The following ROR1 variants were observed in gnomAD, a reference collection of about 807,000 sequenced individuals.
The protein encoded by ROR1 is inactive tyrosine-protein kinase transmembrane receptor ROR1.
ROR1 carries 19 observed loss-of-function variants against 78.8 expected under a neutral mutation model. The ratio of observed to expected loss-of-function variants is 0.24; its 90% confidence interval spans 0.17 to 0.35. The LOEUF (loss-of-function observed/expected upper bound fraction) is 0.35. Among genes scored for constraint, ROR1 ranks in the 10% least tolerant of loss-of-function variants. The pLI is 1.00. For synonymous variants in ROR1, 386 were observed against 433.6 expected (o/e 0.89, Z 1.36); for missense variants, 917 against 1,177.8 (o/e 0.78, Z 3.24).
intron 1 of ROR1, among the ~76,000 whole-genome samples, chr1:63,926,171 C>T (rs941558460): frequency 6.6e-6 from 1 of 150,606 alleles, no homozygotes; most frequent in African/African-American, 2.4e-5. Flanking sequence ...GTCTTTAATC[C>T]ATCTTGAATT....
At chr1:64,036,328 T>A (rs1482221263) in intron 2 of ROR1, among the ~76,000 whole-genome samples, 1 of 152,160 alleles carries the variant, frequency 6.6e-6, no homozygotes, top group Non-Finnish European at 1.5e-5. Flanking sequence ...GGTACATGTT[T>A]TTTGTCCTCA....
At chr1:64,124,050 A>C in intron 4 of ROR1, among the ~76,000 whole-genome samples, 1 of 152,236 alleles carries the variant, frequency 6.6e-6, no homozygotes, top group Admixed American at 6.5e-5. Context: ...TACATATTAC[A>C]TTAAAAAGAA....
chr1:63,833,545 G>A (rs1402312724), intron 1 of ROR1, among the ~76,000 whole-genome samples: 1 of 152,222 alleles, frequency 6.6e-6, no homozygotes, highest in Non-Finnish European at 1.5e-5. Context: ...TCGGGGACGA[G>A]CCTCAGAATA....
intron 1 of ROR1, among the ~76,000 whole-genome samples, chr1:63,787,445 C>T (rs1644695743): frequency 8.2e-6 from 1 of 122,632 alleles, no homozygotes; most frequent in African/African-American, 3.8e-5. Flanking sequence ...TTCTTTCCTT[C>T]CTTCCTTCCT....
chr1:63,986,445 C>T (rs1306482172), intron 1 of ROR1, among the ~76,000 whole-genome samples: 3 of 152,040 alleles, frequency 2.0e-5, no homozygotes, highest in Non-Finnish European at 2.9e-5. Flanking sequence ...AATCACGGAT[C>T]GAAAGGGCAG....
chr1:63,896,774 G>T (rs1645443405), intron 1 of ROR1, among the ~76,000 whole-genome samples: 1 of 151,984 alleles, frequency 6.6e-6, no homozygotes, highest in South Asian at 2.1e-4. Context: ...GGCATTGGGG[G>T]GCTGCTTTCT....
intron 1 of ROR1, among the ~76,000 whole-genome samples, chr1:63,815,424 G>C (rs1157050797): frequency 1.3e-5 from 2 of 148,174 alleles, no homozygotes; most frequent in Non-Finnish European, 3.0e-5. Context: ...AAGAATGCCT[G>C]CCCTTATATA....
At position 63,831,463 on chromosome 1, in the gene ROR1, G is replaced by A. The variant is rs539056788; in HGVS notation, c.91+56955G>A. Among the ~76,000 whole-genome samples, 4 of 152,336 alleles carry A rather than the reference G, an allele frequency of 2.6e-5. No individual in the cohort carries two copies. The East Asian group carries it at 5.8e-4, about 22-fold the overall frequency. Reference sequence around the variant, plus strand: ...CCAACACCAGGTGGAAGCTGCCAAGGCTTGGGGCTCCCACCCTCTGAAGCA... The same window carrying A: ...CCAACACCAGGTGGAAGCTGCCAAGACTTGGGGCTCCCACCCTCTGAAGCA... On this transcript the variant is annotated intron_variant, in intron 1 of 8. Transcript: ENST00000371079.
At chr1:63,808,376 C>T (rs920197709) in intron 1 of ROR1, among the ~76,000 whole-genome samples, 3 of 152,148 alleles carry the variant, frequency 2.0e-5, no homozygotes, top group Non-Finnish European at 4.4e-5. Flanking sequence ...GAGCTGTTGC[C>T]ATGACCCTAG....
chr1:63,850,283 C>T (rs1407089029), intron 1 of ROR1, among the ~76,000 whole-genome samples: 3 of 137,966 alleles, frequency 2.2e-5, no homozygotes, highest in African/African-American at 9.5e-5. Context: ...AATTAATGTA[C>T]CCATTCTCCT....
intron 1 of ROR1, among the ~76,000 whole-genome samples, chr1:63,953,101 C>T (rs937592179): frequency 6.6e-6 from 1 of 152,068 alleles, no homozygotes; most frequent in African/African-American, 2.4e-5. Context: ...GGGAGGCATT[C>T]ACTCATTCAT....
intron 8 of ROR1, among the ~76,000 whole-genome samples, chr1:64,168,411 C>T (rs575268264): frequency 9.7e-4 from 148 of 152,208 alleles, no homozygotes; most frequent in African/African-American, 3.4e-3. Context: ...TGGCACATGG[C>T]AGATATTTAA....
intron 1 of ROR1, among the ~76,000 whole-genome samples, chr1:63,848,186 T>C (rs74077439): frequency 0.042 from 6,424 of 152,294 alleles, 313 homozygotes; most frequent in African/African-American, 0.11. Flanking sequence ...AATCTGTATT[T>C]AATGGCTAAA....
At chr1:64,050,861 T>C in intron 4 of ROR1, 145 bp downstream of exon 4, 1 of 786,988 alleles carries the variant, frequency 1.3e-6, no homozygotes, top group Non-Finnish European at 2.2e-6. Context: ...CCATTTTGCT[T>C]GTTCTCTGCT....
At chr1:63,990,185 C>A (rs1264085565) in intron 1 of ROR1, among the ~76,000 whole-genome samples, 2 of 152,168 alleles carry the variant, frequency 1.3e-5, no homozygotes, top group Non-Finnish European at 2.9e-5. Context: ...ATCACAAAAA[C>A]CACAGAGGGC....
chr1:63,910,687 C>T (rs1328652113), intron 1 of ROR1, among the ~76,000 whole-genome samples: 1 of 152,122 alleles, frequency 6.6e-6, no homozygotes, highest in Non-Finnish European at 1.5e-5. Context: ...TTCCTGATAC[C>T]GTCCTCTAGA....
Position 63,841,140 on chromosome 1 carries a change from G to A in ROR1, c.91+66632G>A, listed in dbSNP as rs185743421. 2.0e-3 allele frequency among the ~76,000 whole-genome samples: 303 copies of A among 152,256 alleles called. 1 individual carries two copies. Among genetic ancestry groups the A allele is most frequent in the African/African-American group, 6.9e-3 (287 of 41,548 alleles). Reference sequence around the variant, plus strand: ...ACTCTACATGTATTACAAAATGTACGTCTCATTGCCATTTATGAGGTATGC... The same window carrying A: ...ACTCTACATGTATTACAAAATGTACATCTCATTGCCATTTATGAGGTATGC... On this transcript the variant is annotated intron_variant, in intron 1 of 8. Transcript: ENST00000371079.
chr1:63,895,029 A>C (rs576751192), intron 1 of ROR1, among the ~76,000 whole-genome samples: 2 of 152,294 alleles, frequency 1.3e-5, no homozygotes, highest in South Asian at 4.1e-4. Flanking sequence ...TCTTTATAAA[A>C]CATATTTGGA....
At chr1:63,838,101 A>T (rs1645029137) in intron 1 of ROR1, among the ~76,000 whole-genome samples, 1 of 152,162 alleles carries the variant, frequency 6.6e-6, no homozygotes, top group Admixed American at 6.5e-5. Context: ...ACCTCCAGTT[A>T]TATGCAGTAT....
Sources: allele counts gnomAD v4.1 joint callset (sites outside exome capture counted in the v4.1 genomes callset), GRCh38; gene constraint gnomAD v4.1.1; transcripts MANE v1.5; gene names NCBI Gene and HGNC (gene_info 2026-07-23, HGNC 2026-07-21).